The following MCC variants were observed in gnomAD, a reference collection of about 807,000 sequenced individuals.
MCC encodes MCC regulator of Wnt signaling pathway, also known as colorectal mutant cancer protein.
A neutral mutation model predicts 116.2 loss-of-function variants in MCC; 90 were observed. The observed-to-expected ratio is 0.77, with a 90% CI of 0.65 to 0.92. The LOEUF (loss-of-function observed/expected upper bound fraction) is 0.92. MCC is among the 40% of genes least tolerant of loss of function. The pLI, the probability that MCC is intolerant of heterozygous loss-of-function variation, is 0.00. For synonymous variants in MCC, 578 were observed against 510.5 expected, an observed-to-expected ratio of 1.13 and a Z score of -1.78; for missense variants, 1,516 against 1,312.2, an observed-to-expected ratio of 1.16 and a Z score of -2.40.
At chr5:113,488,195 C>T in intron 1 of MCC, 50 bp downstream of exon 1, 1 of 1,560,610 alleles carries the variant, frequency 6.4e-7, no homozygotes, top group East Asian at 2.6e-5. Flanking sequence ...CAAGGGCGCG[C>T]GGAGGGACTG....
At chr5:113,354,714 A>G (rs1039560189) in intron 2 of MCC, among the ~76,000 whole-genome samples, 1 of 151,586 alleles carries the variant, frequency 6.6e-6, no homozygotes, top group Non-Finnish European at 1.5e-5. Flanking sequence ...GATTACAGGC[A>G]TGAGCCACCG....
intron 5 of MCC, among the ~76,000 whole-genome samples, chr5:113,123,048 C>G (rs1285616084): frequency 2.0e-5 from 3 of 152,184 alleles, no homozygotes; most frequent in African/African-American, 7.2e-5. Context: ...TACCCATGTA[C>G]CAAACGAGAT....
intron 3 of MCC, among the ~76,000 whole-genome samples, chr5:113,235,749 C>T (rs745775151): frequency 1.3e-5 from 2 of 152,172 alleles, no homozygotes; most frequent in African/African-American, 2.4e-5. Context: ...GAAACCATTT[C>T]GGTTAAGAGA....
At chr5:113,151,489 G>C in intron 3 of MCC, 67 bp from the exon 4 acceptor site, 1 of 812,254 alleles carries the variant, frequency 1.2e-6, no homozygotes, top group Non-Finnish European at 2.0e-6. Flanking sequence ...CTTCATTCCC[G>C]CAACTAGTAT....
At chr5:113,322,731 G>T (rs1767448823) in intron 3 of MCC, among the ~76,000 whole-genome samples, 1 of 152,202 alleles carries the variant, frequency 6.6e-6, no homozygotes, top group Non-Finnish European at 1.5e-5. Flanking sequence ...GCACTGGGCT[G>T]GGTACAGAGG....
intron 3 of MCC, among the ~76,000 whole-genome samples, chr5:113,186,884 G>C (rs1046948120): frequency 2.0e-5 from 3 of 152,118 alleles, no homozygotes; most frequent in South Asian, 2.1e-4. Flanking sequence ...TTCACAACCG[G>C]GGGAGGATAG....
chr5:113,321,925 G>C (rs918845415), intron 3 of MCC, among the ~76,000 whole-genome samples: 1 of 152,110 alleles, frequency 6.6e-6, no homozygotes, highest in African/African-American at 2.4e-5. Flanking sequence ...TCCACCTCCC[G>C]GGTTCAAGCA....
At chr5:113,043,717 G>A (rs576932584) in intron 16 of MCC, 87 bp from the exon 17 acceptor site, 6 of 884,010 alleles carry the variant, frequency 6.8e-6, no homozygotes, top group East Asian at 5.2e-5. Context: ...TAGGTGGCTC[G>A]TGCAGTGATG....
chr5:113,429,384 C>T (rs888580551), intron 1 of MCC, among the ~76,000 whole-genome samples: 5 of 152,134 alleles, frequency 3.3e-5, no homozygotes, highest in Non-Finnish European at 7.4e-5. Context: ...CAACTAGCAT[C>T]TTAATCTTGG....
chr5:113,136,268 T>C (rs949334068), intron 5 of MCC, among the ~76,000 whole-genome samples: 4 of 152,208 alleles, frequency 2.6e-5, no homozygotes, highest in African/African-American at 9.7e-5. Flanking sequence ...CTTTATTTAA[T>C]GAAGTAATCA....
At chr5:113,302,350 C>A (rs962073402) in intron 3 of MCC, among the ~76,000 whole-genome samples, 1 of 152,076 alleles carries the variant, frequency 6.6e-6, no homozygotes, top group Non-Finnish European at 1.5e-5. Flanking sequence ...AAATGAGAAA[C>A]CACCAAAAGA....
intron 3 of MCC, among the ~76,000 whole-genome samples, chr5:113,217,570 C>G (rs973544582): frequency 6.6e-6 from 1 of 152,196 alleles, no homozygotes; most frequent in Non-Finnish European, 1.5e-5. Context: ...AATACCAACA[C>G]ATTTAGCAAA....
chr5:113,168,966 G>A (rs146263857), intron 3 of MCC, among the ~76,000 whole-genome samples: 2 of 152,248 alleles, frequency 1.3e-5, no homozygotes, highest in Admixed American at 6.5e-5. Flanking sequence ...CATAATCGGT[G>A]GATGTAAAGA....
intron 3 of MCC, among the ~76,000 whole-genome samples, chr5:113,198,526 C>A (rs1414015998): frequency 7.4e-6 from 1 of 135,358 alleles, no homozygotes; most frequent in Non-Finnish European, 1.5e-5. Context: ...GAGACTCTGT[C>A]CCTACAAATA....
In MCC at chr5:113,434,218, T is replaced by G. The variant is rs200685350; in HGVS notation, c.171-49006A>C. On this transcript the variant is annotated intron_variant, in intron 1 of 18. Coordinates refer to ENST00000408903, the MANE Select transcript of MCC (RefSeq NM_001085377.2). The surrounding 1 kb of genome is among the most constrained non-coding windows in gnomAD (Gnocchi z 4.2). The stretch of plus-strand genomic sequence containing the variant: ...TAGGGCATGGAGCCGCAGACCATGA[T>G]GTAGAGGATCACGCCTAGGCTCCAG... The G allele has an allele frequency of 2.6e-5, 42 of 1,613,918 alleles. No individual in the cohort carries two copies. Among genetic ancestry groups the G allele is most frequent in the Non-Finnish European group, 3.6e-5 (42 of 1,179,958 alleles).
At chr5:113,291,253 CCCT>C (rs1410065955) in intron 3 of MCC, among the ~76,000 whole-genome samples, 1 of 152,186 alleles carries the variant, frequency 6.6e-6, no homozygotes, top group African/African-American at 2.4e-5. Context: ...GCACACAAAT[CCCT>C]CCTATCTCCC....
intron 3 of MCC, among the ~76,000 whole-genome samples, chr5:113,217,777 C>T (rs17135457): frequency 0.22 from 33,070 of 151,736 alleles, 5,180 homozygotes; most frequent in African/African-American, 0.41. Flanking sequence ...AACCGGAGAA[C>T]TCAGGCAGAG....
At chr5:113,251,466 T>C (rs1764797422) in intron 3 of MCC, among the ~76,000 whole-genome samples, 1 of 152,142 alleles carries the variant, frequency 6.6e-6, no homozygotes, top group Non-Finnish European at 1.5e-5. Context: ...ATAGCCAGGG[T>C]GACAAACACG....
rs949462804 is a variant in MCC at position 113,439,111 on chromosome 5, G to A, written c.170+49134C>T. Among the ~76,000 whole-genome samples, 7 of 152,172 alleles carry A rather than the reference G, an allele frequency of 4.6e-5. No individual in the cohort carries two copies. The South Asian group carries it at 8.3e-4, about 18-fold the overall frequency. Reference sequence around the variant, plus strand: ...TAAGGAAACAAATTTTGAAAACCAGGTTGAAAATTCCAAGAGATCAGACAG... The same window carrying A: ...TAAGGAAACAAATTTTGAAAACCAGATTGAAAATTCCAAGAGATCAGACAG... On this transcript the variant is annotated intron_variant, in intron 1 of 18. Transcript: ENST00000408903.
Sources: allele counts gnomAD v4.1 joint callset (sites outside exome capture counted in the v4.1 genomes callset), GRCh38; gene constraint gnomAD v4.1.1; non-coding constraint Gnocchi (gnomAD v3.1); transcripts MANE v1.5; gene names NCBI Gene and HGNC (gene_info 2026-07-23, HGNC 2026-07-21).